LRP1B: variants seen among roughly 807,000 people sequenced by gnomAD.
LRP1B encodes the protein LDL receptor related protein 1B, also known as low-density lipoprotein receptor-related protein 1B.
A neutral mutation model predicts 556.6 loss-of-function variants in LRP1B; 217 were observed. That is an observed-to-expected ratio of 0.39 (90% confidence interval 0.35 to 0.44). The LOEUF (loss-of-function observed/expected upper bound fraction) is 0.44. Among genes scored for constraint, LRP1B ranks in the 20% least tolerant of loss-of-function variants. The pLI is 1.00. For synonymous variants in LRP1B, 2,047 were observed against 1,865.8 expected, an observed-to-expected ratio of 1.10 and a Z score of -2.50; for missense variants, 5,053 against 5,620.8, an observed-to-expected ratio of 0.90 and a Z score of 3.23.
intron 2 of LRP1B, among the ~76,000 whole-genome samples, chr2:141,596,211 T>C (rs1687513233): frequency 6.6e-6 from 1 of 151,710 alleles, no homozygotes; most frequent in Non-Finnish European, 1.5e-5. Context: ...TATGAGAAAA[T>C]AAAGCAAAAT....
rs571933523 is a variant in LRP1B at position 140,300,923 on chromosome 2, T to G, written c.12806-2954A>C. Reference sequence around the variant, plus strand: ...TTGTTATTATTTCTATTGAGTGAGATTCACCTTTTTTAGGTAGGACTTATT... The same window carrying G: ...TTGTTATTATTTCTATTGAGTGAGAGTCACCTTTTTTAGGTAGGACTTATT... On this transcript the variant is annotated intron_variant, in intron 83 of 90. Transcript: ENST00000389484. Among the ~76,000 whole-genome samples, 6 of 152,228 alleles carry G rather than the reference T, an allele frequency of 3.9e-5. No individual in the cohort carries two copies. The South Asian group carries it at 1.2e-3, about 32-fold the overall frequency.
rs376573718 is a variant in LRP1B at position 142,086,863 on chromosome 2, A to C, written c.82+43785T>G. On this transcript the variant is annotated intron_variant, in intron 1 of 90. Coordinates refer to ENST00000389484, the MANE Select transcript of LRP1B (RefSeq NM_018557.3). ...TCAGAGTTAGGTAAGAAAATTAAAA[A>C]TCTCATTGTCATCACGAAAGCAATA... 1.1e-4 allele frequency among the ~76,000 whole-genome samples: 17 copies of C among 152,274 alleles called. No individual in the cohort carries two copies. In the South Asian group the frequency reaches 3.5e-3, roughly 32 times the overall value.
intron 2 of LRP1B, among the ~76,000 whole-genome samples, chr2:141,768,002 T>C (rs550332020): frequency 6.6e-6 from 1 of 152,206 alleles, no homozygotes; most frequent in African/African-American, 2.4e-5. Context: ...AAGAAGAATC[T>C]GGGGGACAAT....
chr2:141,722,701 A>G (rs1458545629), intron 2 of LRP1B, among the ~76,000 whole-genome samples: 1 of 151,104 alleles, frequency 6.6e-6, no homozygotes, highest in Non-Finnish European at 1.5e-5. Flanking sequence ...CTCTCTACAT[A>G]TAAGACAGAT....
At chr2:141,008,040 A>C (rs1697629045) in intron 14 of LRP1B, among the ~76,000 whole-genome samples, 1 of 151,450 alleles carries the variant, frequency 6.6e-6, no homozygotes, top group Admixed American at 6.6e-5. Flanking sequence ...GAATTTCATT[A>C]ATATGTTCCA....
At chr2:140,996,635 A>G (rs1195342972) in intron 15 of LRP1B, among the ~76,000 whole-genome samples, 1 of 152,006 alleles carries the variant, frequency 6.6e-6, no homozygotes, top group Non-Finnish European at 1.5e-5. Context: ...AGAGATTGGC[A>G]TTATTGCAGT....
intron 27 of LRP1B, among the ~76,000 whole-genome samples, chr2:140,856,874 T>C (rs1034983059): frequency 6.6e-6 from 1 of 152,144 alleles, no homozygotes; most frequent in African/African-American, 2.4e-5. Flanking sequence ...TATGTGGGTA[T>C]ATATTCTAAA....
At chr2:141,984,587 G>T (rs115801651) in intron 1 of LRP1B, among the ~76,000 whole-genome samples, 2,039 of 152,168 alleles carry the variant, frequency 0.013, 15 homozygotes, top group Middle Eastern at 0.037. Flanking sequence ...TAGATTTTTA[G>T]ATTTAGATTT....
chr2:141,964,449 C>A (rs1701497492), intron 1 of LRP1B, among the ~76,000 whole-genome samples: 2 of 148,954 alleles, frequency 1.3e-5, no homozygotes, highest in Admixed American at 1.3e-4. Flanking sequence ...CGCATACCTA[C>A]AACTATCTGA....
intron 6 of LRP1B, among the ~76,000 whole-genome samples, chr2:141,207,799 C>G (rs1336602305): frequency 1.3e-5 from 2 of 152,184 alleles, no homozygotes; most frequent in African/African-American, 4.8e-5. Flanking sequence ...CCTCAGCCTC[C>G]CGAGTAGCTG....
At chr2:141,126,494 T>C (rs1211701838) in intron 7 of LRP1B, among the ~76,000 whole-genome samples, 1 of 152,196 alleles carries the variant, frequency 6.6e-6, no homozygotes, top group Non-Finnish European at 1.5e-5. Flanking sequence ...AGGACATCTA[T>C]TATCCCTCCT....
At chr2:141,011,052 C>T (rs1189310609) in intron 14 of LRP1B, among the ~76,000 whole-genome samples, 2 of 140,006 alleles carry the variant, frequency 1.4e-5, no homozygotes, top group Non-Finnish European at 3.1e-5. Flanking sequence ...TAAATAACAT[C>T]ATATAATTTG....
intron 2 of LRP1B, among the ~76,000 whole-genome samples, chr2:141,754,725 A>C (rs559673412): frequency 1.3e-5 from 2 of 152,152 alleles, no homozygotes; most frequent in Non-Finnish European, 2.9e-5. Flanking sequence ...ACCAAATTGG[A>C]CTAGACGAAA....
intron 2 of LRP1B, among the ~76,000 whole-genome samples, chr2:141,789,331 C>T (rs140570416): frequency 1.6e-4 from 25 of 151,906 alleles, no homozygotes; most frequent in African/African-American, 4.3e-4. Flanking sequence ...CTTCACATGA[C>T]GAGAACTCAA....
chr2:140,312,614 T>G (rs1259918987), intron 83 of LRP1B, among the ~76,000 whole-genome samples: 1 of 151,936 alleles, frequency 6.6e-6, no homozygotes, highest in Non-Finnish European at 1.5e-5. Context: ...TTTACTCTGA[T>G]TTCAATTATT....
rs1684391061 is a variant in LRP1B at position 141,254,631 on chromosome 2, G to A, written c.354C>T (p.Ser118=). The change falls in exon 4 of 91, where the codon TCC becomes TCT. Residue 118 remains serine (S), a synonymous_variant. Transcript: ENST00000389484. ...DEGVHCQELL[S]NCQQLNCQYK... ...ACTGACAATTCAGCTGTTGGCAATT[G>A]GATAACAGTTCTGTAGAGAAAAAAC... 6.2e-7 allele frequency: 1 copy of A among 1,607,686 alleles called. No homozygotes were observed. The highest frequency in any genetic ancestry group is 8.5e-7 in the Non-Finnish European group (1 of 1,175,388).
At chr2:140,912,388 T>A (rs1223773486) in intron 21 of LRP1B, among the ~76,000 whole-genome samples, 1 of 151,644 alleles carries the variant, frequency 6.6e-6, no homozygotes, top group African/African-American at 2.4e-5. Flanking sequence ...CCCTTCTTTA[T>A]ATATAAGAAA....
intron 1 of LRP1B, among the ~76,000 whole-genome samples, chr2:141,874,166 A>T (rs1034530321): frequency 7.8e-6 from 1 of 128,254 alleles, no homozygotes; most frequent in South Asian, 2.4e-4. Context: ...TGATTTCTGA[A>T]TTTCAGTTCT....
At chr2:141,081,176 G>T (rs1346078324) in intron 7 of LRP1B, among the ~76,000 whole-genome samples, 1 of 152,054 alleles carries the variant, frequency 6.6e-6, no homozygotes. Flanking sequence ...AAATGTTTGG[G>T]ATTCTGGAAC....
Sources: allele counts gnomAD v4.1 joint callset (sites outside exome capture counted in the v4.1 genomes callset), GRCh38; gene constraint gnomAD v4.1.1; transcripts MANE v1.5; gene names NCBI Gene and HGNC (gene_info 2026-07-23, HGNC 2026-07-21).